GALNS: variants seen among roughly 807,000 people sequenced by gnomAD.
The protein encoded by GALNS is N-acetylgalactosamine-6-sulfatase.
GALNS carries 65 observed loss-of-function variants against 65.9 expected under a neutral mutation model. The ratio of observed to expected loss-of-function variants is 0.99; its 90% CI spans 0.81 to 1.21. The LOEUF (loss-of-function observed/expected upper bound fraction) is 1.21, where lower values mean the gene tolerates loss of function less well. GALNS is among the 50% of genes most tolerant of loss of function. The pLI, the probability that GALNS is intolerant of heterozygous loss-of-function variation, is 0.00. For synonymous variants in GALNS, 346 were observed against 288.9 expected, an observed-to-expected ratio of 1.20 and a Z score of -2.00; for missense variants, 776 against 700.7, an observed-to-expected ratio of 1.11 and a Z score of -1.21.
chr16:88,820,382 G>A (rs1189035623), intron 12 of GALNS, among the ~76,000 whole-genome samples: 4 of 152,220 alleles, frequency 2.6e-5, no homozygotes, highest in Non-Finnish European at 5.9e-5. Flanking sequence ...ACTCACCTCA[G>A]CCTCCCAAAG....
intron 1 of GALNS, among the ~76,000 whole-genome samples, chr16:88,853,585 T>C (rs74035865): frequency 0.021 from 3,259 of 152,044 alleles, 44 homozygotes; most frequent in Middle Eastern, 0.054. Flanking sequence ...AAATAAGGAG[T>C]GGAGACACAG....
intron 7 of GALNS, 141 bp from the exon 8 acceptor site, chr16:88,835,493 A>G: frequency 2.3e-6 from 3 of 1,291,736 alleles, no homozygotes; most frequent in South Asian, 1.3e-5. Context: ...GCCTCTTCCC[A>G]GAAGAGGAAT....
At chr16:88,818,233 GT>G in intron 12 of GALNS, 109 bp from the exon 13 acceptor site, 1 of 883,856 alleles carries the variant, frequency 1.1e-6, no homozygotes, top group Non-Finnish European at 1.8e-6. Flanking sequence ...GAGAACCACA[GT>G]GAGCAGTCAC....
intron 1 of GALNS, among the ~76,000 whole-genome samples, chr16:88,851,252 G>A (rs749850126): frequency 1.4e-4 from 22 of 152,154 alleles, no homozygotes; most frequent in Non-Finnish European, 2.4e-4. Flanking sequence ...AGTGGTTCAC[G>A]TCTGTTATCC....
At chr16:88,836,361 A>G in intron 5 of GALNS, 94 bp from the exon 6 acceptor site, 1 of 1,046,700 alleles carries the variant, frequency 9.6e-7, no homozygotes, top group Non-Finnish European at 1.4e-6. Context: ...GGCTTCATTT[A>G]AAAGAAGGCT....
At chr16:88,856,160 G>A (rs1487146991) in intron 1 of GALNS, 1 of 702,812 alleles carries the variant, frequency 1.4e-6, no homozygotes, top group African/African-American at 1.7e-5. Context: ...TTGCCCACCA[G>A]GAGACATTCC....
intron 9 of GALNS, 70 bp from the exon 10 acceptor site, chr16:88,826,908 G>C: frequency 6.5e-7 from 1 of 1,532,530 alleles, no homozygotes; most frequent in Non-Finnish European, 8.8e-7. Flanking sequence ...GCCAATCCCT[G>C]GGGGGGCGTG....
intron 13 of GALNS, chr16:88,816,047 A>G (rs1387150876): frequency 5.1e-6 from 5 of 985,226 alleles, no homozygotes; most frequent in African/African-American, 1.7e-5. Context: ...GTGTCTGTGC[A>G]TCTCCCCCAT....
At chr16:88,828,279 C>T (rs116194039) in intron 9 of GALNS, among the ~76,000 whole-genome samples, 813 of 10,446 alleles carry the variant, frequency 0.078, 11 homozygotes, top group African/African-American at 0.23. Context: ...GCCGGCAGGG[C>T]GGGCGGGCGG....
At chr16:88,826,595 T>C (rs978621456) in intron 10 of GALNS, 107 bp downstream of exon 10, 4 of 1,367,108 alleles carry the variant, frequency 2.9e-6, no homozygotes, top group African/African-American at 2.8e-5. Context: ...AGCACGCCTG[T>C]GTCCAGAACC....
chr16:88,819,854 T>C (rs1910023952), intron 12 of GALNS, among the ~76,000 whole-genome samples: 1 of 151,228 alleles, frequency 6.6e-6, no homozygotes, highest in African/African-American at 2.4e-5. Flanking sequence ...CCACCACGCC[T>C]GGCTAATTTT....
intron 8 of GALNS, 144 bp from the exon 9 acceptor site, chr16:88,832,245 C>G: frequency 1.3e-6 from 1 of 766,548 alleles, no homozygotes; most frequent in Middle Eastern, 2.8e-4. Flanking sequence ...ATCCGAGCCT[C>G]GGGGTGGCTC....
chr16:88,837,134 G>A (rs969041960), intron 5 of GALNS, among the ~76,000 whole-genome samples: 8 of 152,190 alleles, frequency 5.3e-5, no homozygotes, highest in Non-Finnish European at 7.4e-5. Context: ...TGAGGGTCCC[G>A]GACCCGGCAC....
At chr16:88,850,653 G>A (rs111968676) in intron 1 of GALNS, among the ~76,000 whole-genome samples, 157 of 152,258 alleles carry the variant, frequency 1.0e-3, no homozygotes, top group Non-Finnish European at 1.6e-3. Context: ...TCAGCCAGGG[G>A]AGAAGGTGCG....
Position 88,826,880 on chromosome 16 carries a change from G to A in GALNS, c.1003-42C>T, listed in dbSNP as rs139088253. The A allele has an allele frequency of 0.012, 19,306 of 1,552,104 alleles. 323 individuals are homozygous for A. The highest frequency in any genetic ancestry group is 0.063 in the South Asian group (5,318 of 84,370). On this transcript the variant is annotated intron_variant, in intron 9 of 13. Coordinates refer to ENST00000268695, the MANE Select transcript of GALNS (RefSeq NM_000512.5). ...CAACACGGTCAGGGCACTCTGCACCGACCCGATGGGGCTGGGGGCCAATCC... is the reference window on the plus strand; with the variant it reads ...CAACACGGTCAGGGCACTCTGCACCAACCCGATGGGGCTGGGGGCCAATCC...
At chr16:88,819,274 G>A (rs1187956963) in intron 12 of GALNS, among the ~76,000 whole-genome samples, 1 of 152,136 alleles carries the variant, frequency 6.6e-6, no homozygotes, top group African/African-American at 2.4e-5. Context: ...GCATCAGAGG[G>A]CGACCTTCAG....
rs1266972363 is a variant in GALNS, at chr16:88,856,856, TCGC to T, written c.19_21del (p.Ala7del). ...ACCAGCAACAGCTGCCACCACCTCG[TCGC>T]CGCGACAACCGCCGCCATGGCAACC... On this transcript the variant is annotated inframe_deletion, in exon 1 of 14. Coordinates refer to ENST00000268695, the MANE Select transcript of GALNS (RefSeq NM_000512.5). The T allele has an allele frequency of 6.6e-7, 1 of 1,510,292 alleles. No individual in the cohort carries two copies. The highest frequency in any genetic ancestry group is 1.2e-5 in the South Asian group (1 of 81,446). 93.6% of individuals were successfully genotyped at this position (1,510,292 alleles called of 1,614,324 possible). A position where few individuals can be genotyped will look rare whatever the true frequency, so the allele number is the denominator to read the frequency against.
At chr16:88,815,249 G>T (rs1476067845) in intron 13 of GALNS, 22 of 985,364 alleles carry the variant, frequency 2.2e-5, no homozygotes, top group Non-Finnish European at 2.7e-5. Flanking sequence ...GGGTATGGGG[G>T]ATGCAGCTGC....
chr16:88,848,741 G>A (rs931990344), intron 1 of GALNS, among the ~76,000 whole-genome samples: 1 of 152,158 alleles, frequency 6.6e-6, no homozygotes, highest in African/African-American at 2.4e-5. Flanking sequence ...CTGAACAGAG[G>A]GGAAGCCCTC....
Sources: gnomAD v4.1 joint callset for allele counts (sites outside exome capture counted in the v4.1 genomes callset) on GRCh38, gnomAD v4.1.1 for gene constraint, MANE v1.5 for transcripts, NCBI Gene and HGNC (gene_info 2026-07-23, HGNC 2026-07-21) for gene names.